EFNA5: variants seen among roughly 807,000 people sequenced by gnomAD.
EFNA5 encodes the protein ephrin A5.
Under a neutral mutation model 22.9 loss-of-function variants are expected in EFNA5, and 5 were observed. The observed-to-expected ratio is 0.22, with a 90% CI of 0.11 to 0.46. EFNA5 has a LOEUF of 0.46. Ranked by LOEUF, EFNA5 falls within the 20% of genes least tolerant of loss-of-function variation. EFNA5 has a pLI of 0.99. For missense variants in EFNA5, 237 were observed against 293.3 expected (o/e 0.81, Z 1.40); for synonymous variants, 113 against 112.2 (o/e 1.01, Z -0.04).
At chr5:107,669,720 G>C (rs1751146999) in intron 1 of EFNA5, among the ~76,000 whole-genome samples, 1 of 152,114 alleles carries the variant, frequency 6.6e-6, no homozygotes, top group African/African-American at 2.4e-5. Context: ...CCAGGCCGCG[G>C]GCGAAGGGCT....
At chr5:107,485,078 T>TA (rs199902577) in intron 1 of EFNA5, among the ~76,000 whole-genome samples, 55 of 152,042 alleles carry the variant, frequency 3.6e-4, no homozygotes, top group African/African-American at 1.3e-3. Flanking sequence ...CAGATTTTTT[T>TA]AAAAAAAGAA....
chr5:107,481,614 G>A (rs972066159), intron 1 of EFNA5, among the ~76,000 whole-genome samples: 4 of 151,444 alleles, frequency 2.6e-5, no homozygotes, highest in South Asian at 2.1e-4. Flanking sequence ...CACTTTCGGA[G>A]GCCAAGGTGG....
intron 2 of EFNA5, among the ~76,000 whole-genome samples, chr5:107,419,089 A>G: frequency 6.6e-6 from 1 of 152,236 alleles, no homozygotes; most frequent in East Asian, 1.9e-4. Flanking sequence ...AGGCAGAGGT[A>G]CAGGTCTAGC....
intron 1 of EFNA5, among the ~76,000 whole-genome samples, chr5:107,491,946 T>C (rs956496605): frequency 3.3e-5 from 5 of 152,158 alleles, no homozygotes; most frequent in African/African-American, 1.2e-4. Flanking sequence ...GCGATTCTCA[T>C]GCTTCAGCCT....
chr5:107,481,910 G>T (rs549623897), intron 1 of EFNA5, among the ~76,000 whole-genome samples: 2 of 151,690 alleles, frequency 1.3e-5, no homozygotes, highest in Admixed American at 6.6e-5. Context: ...TTACAATAAG[G>T]TCTCATTACA....
intron 4 of EFNA5, among the ~76,000 whole-genome samples, chr5:107,385,410 A>G (rs973587007): frequency 6.6e-6 from 1 of 152,210 alleles, no homozygotes; most frequent in Non-Finnish European, 1.5e-5. Context: ...ACCATGGGAA[A>G]GATATGCCTA....
chr5:107,619,563 C>T (rs774857488), intron 1 of EFNA5, among the ~76,000 whole-genome samples: 11 of 151,106 alleles, frequency 7.3e-5, no homozygotes, highest in East Asian at 5.9e-4. Flanking sequence ...CCTGAGTTCA[C>T]GCGATTCTCC....
chr5:107,663,607 T>C (rs900228849), intron 1 of EFNA5, among the ~76,000 whole-genome samples: 1 of 152,092 alleles, frequency 6.6e-6, no homozygotes, highest in East Asian at 1.9e-4. Context: ...AATCCAATCA[T>C]AAAACTTGCA....
At chr5:107,500,928 C>T (rs1274197157) in intron 1 of EFNA5, among the ~76,000 whole-genome samples, 1 of 151,524 alleles carries the variant, frequency 6.6e-6, no homozygotes, top group African/African-American at 2.4e-5. Flanking sequence ...ATTGTTCATC[C>T]TGAAGCCTGC....
chr5:107,569,505 ATATT>A (rs538175582), intron 1 of EFNA5, among the ~76,000 whole-genome samples: 3,191 of 136,352 alleles, frequency 0.023, 63 homozygotes, highest in Non-Finnish European at 0.034. Flanking sequence ...ATGTGTATAT[ATATT>A]TATATATGTG....
intron 1 of EFNA5, among the ~76,000 whole-genome samples, chr5:107,454,877 GGAACAA>G (rs1418444270): frequency 6.6e-6 from 1 of 152,014 alleles, no homozygotes; most frequent in Non-Finnish European, 1.5e-5. Flanking sequence ...AGAATGAGAG[GGAACAA>G]GAGCAAGAGC....
At chr5:107,661,114 T>TAA (rs746307081) in intron 1 of EFNA5, among the ~76,000 whole-genome samples, 2 of 130,224 alleles carry the variant, frequency 1.5e-5, no homozygotes, top group African/African-American at 2.8e-5. Flanking sequence ...ATCTGTCTGT[T>TAA]AAAAAAAAAA....
intron 1 of EFNA5, among the ~76,000 whole-genome samples, chr5:107,513,257 A>T (rs563854233): frequency 1.2e-4 from 19 of 152,224 alleles, no homozygotes; most frequent in Admixed American, 1.2e-3. Context: ...GAGGAGAGGG[A>T]GAGGGAGAGA....
intron 1 of EFNA5, among the ~76,000 whole-genome samples, chr5:107,468,330 T>C (rs1344605395): frequency 6.6e-6 from 1 of 152,176 alleles, no homozygotes; most frequent in Non-Finnish European, 1.5e-5. Flanking sequence ...AAAAACAAAA[T>C]TGCTTTTAAT....
rs774060674 is a variant in EFNA5 at position 107,670,466 on chromosome 5, C to T, written c.125+23G>A. 44 of 1,549,558 alleles carry T rather than the reference C, an allele frequency of 2.8e-5. No individual in the cohort carries two copies. The Middle Eastern group carries it at 1.0e-3, about 35-fold the overall frequency. On this transcript the variant is annotated intron_variant, in intron 1 of 4. Coordinates refer to ENST00000333274, the MANE Select transcript of EFNA5 (RefSeq NM_001962.3). ...GGCCCCGAGGCCCGGGTAGCCCTGG[C>T]TCTCCGCCTGTTATCGGCTTACCTG... is the stretch of plus-strand genomic sequence containing the variant.
chr5:107,402,099 C>T (rs575986614), intron 2 of EFNA5, among the ~76,000 whole-genome samples: 1 of 152,114 alleles, frequency 6.6e-6, no homozygotes, highest in East Asian at 1.9e-4. Flanking sequence ...ATGGTTTCAC[C>T]GACAGGACTC....
chr5:107,620,567 T>C (rs920390558), intron 1 of EFNA5, among the ~76,000 whole-genome samples: 1 of 152,212 alleles, frequency 6.6e-6, no homozygotes, highest in Non-Finnish European at 1.5e-5. Context: ...AAATTGTTTT[T>C]CACTATATTT....
intron 1 of EFNA5, among the ~76,000 whole-genome samples, chr5:107,576,351 A>C (rs1012026016): frequency 6.6e-6 from 1 of 152,204 alleles, no homozygotes; most frequent in Non-Finnish European, 1.5e-5. Context: ...GACTGCACAC[A>C]AGCAGATTAT....
intron 2 of EFNA5, among the ~76,000 whole-genome samples, chr5:107,397,209 C>T (rs541494418): frequency 2.2e-3 from 340 of 152,134 alleles, no homozygotes; most frequent in African/African-American, 8.1e-3. Flanking sequence ...TATGATTGTG[C>T]CAGTGCACTC....
Sources: allele counts gnomAD v4.1 joint callset (sites outside exome capture counted in the v4.1 genomes callset), GRCh38; gene constraint gnomAD v4.1.1; transcripts MANE v1.5; gene names NCBI Gene and HGNC (gene_info 2026-07-23, HGNC 2026-07-21).